CEP350: variants seen among roughly 807,000 people sequenced by gnomAD.
CEP350 encodes the protein centrosome-associated protein 350.
Under a neutral mutation model 331.8 loss-of-function variants are expected in CEP350, and 126 were observed. That is an observed-to-expected ratio of 0.38 (90% CI 0.33 to 0.44). The LOEUF (loss-of-function observed/expected upper bound fraction) is 0.44. Among genes scored for constraint, CEP350 ranks in the 20% least tolerant of loss-of-function variants. CEP350 has a pLI of 1.00. For synonymous variants in CEP350, 1,200 were observed against 1,259.5 expected, an observed-to-expected ratio of 0.95 and a Z score of 1.00; for missense variants, 3,406 against 3,634.6, an observed-to-expected ratio of 0.94 and a Z score of 1.62.
chr1:179,990,609 A>G lies in CEP350; in HGVS notation c.223A>G (p.Ile75Val). Residue 75 changes from isoleucine (I) to valine (V), a missense_variant, in exon 4 of 38, where the codon ATA becomes GTA. This residue lies in a region of CEP350 where 1,857 missense variants were observed against 1,909.2 expected (regional missense o/e 0.97). Coordinates refer to ENST00000367607, the MANE Select transcript of CEP350 (RefSeq NM_014810.5). ...GTCTTCTACAAGTGCTACTCGAAAA[A>G]TAAGTAGAAAAGGTATGTATGAAGT... ...KKSSTSATRK[I>V]SRKDGRYLDD... 6.3e-7 allele frequency: 1 copy of G among 1,574,830 alleles called. No individual in the cohort carries two copies. The highest frequency in any genetic ancestry group is 8.7e-7 in the Non-Finnish European group (1 of 1,152,632).
At chr1:179,991,707 G>GTGTATATA (rs1385981536) in intron 4 of CEP350, among the ~76,000 whole-genome samples, 264 of 96,952 alleles carry the variant, frequency 2.7e-3, no homozygotes, top group Middle Eastern at 9.4e-3. Context: ...GTGTGTGTGT[G>GTGTATATA]TATATATATA....
chr1:179,977,986 T>C (rs1652000268), intron 1 of CEP350, among the ~76,000 whole-genome samples: 2 of 150,844 alleles, frequency 1.3e-5, no homozygotes, highest in African/African-American at 2.4e-5. Context: ...ATGTATAAAA[T>C]ATGTATTTTT....
intron 29 of CEP350, among the ~76,000 whole-genome samples, chr1:180,080,249 GTAAAACTTT>G (rs1659484699): frequency 6.6e-6 from 1 of 151,992 alleles, no homozygotes; most frequent in Admixed American, 6.6e-5. Context: ...CTAATTTATT[GTAAAACTTT>G]TTTAAACCAT....
At chr1:180,040,072 A>C (rs1656658278) in intron 17 of CEP350, among the ~76,000 whole-genome samples, 3 of 151,034 alleles carry the variant, frequency 2.0e-5, no homozygotes, top group Admixed American at 2.0e-4. Flanking sequence ...TTCCCAAAAG[A>C]CCCGTCAGAC....
intron 1 of CEP350, among the ~76,000 whole-genome samples, chr1:179,974,184 A>G (rs771598073): frequency 6.6e-6 from 1 of 151,796 alleles, no homozygotes; most frequent in Non-Finnish European, 1.5e-5. Flanking sequence ...GGTTCATGCC[A>G]TTCTCCTGCC....
At chr1:180,094,680 C>G (rs983340689) in intron 34 of CEP350, 64 bp downstream of exon 34, 5 of 1,504,442 alleles carry the variant, frequency 3.3e-6, no homozygotes, top group Non-Finnish European at 1.8e-6. Context: ...GGCAACTTAC[C>G]TTGCCTATAT....
chr1:180,014,010 A>C lies in CEP350; in HGVS notation c.1557A>C (p.Leu519Phe). The C allele has an allele frequency of 6.2e-7, 1 of 1,613,720 alleles. No homozygotes were observed. ...ATAAGCAGGAGGAAAATACTGCCTTAAATAAGGACTTTTTACCTATTGAAA... is the reference window on the plus strand; with the variant it reads ...ATAAGCAGGAGGAAAATACTGCCTTCAATAAGGACTTTTTACCTATTGAAA... ...PDNKQEENTA[L>F]NKDFLPIEIR... The change falls in exon 10 of 38, where the codon TTA becomes TTC. Residue 519 changes from leucine to phenylalanine, a missense_variant. By Grantham distance (22) the Leu-to-Phe change is conservative (BLOSUM62 0). Around this residue, in one of 5 missense-constraint regions of CEP350, gnomAD observed 1,857 missense variants for 1,909.2 expected, o/e 0.97. Transcript: ENST00000367607.
chr1:180,034,344 A>G (rs955750775), intron 16 of CEP350, among the ~76,000 whole-genome samples: 1 of 152,196 alleles, frequency 6.6e-6, no homozygotes, highest in South Asian at 2.1e-4. Context: ...ACTCCTGTTT[A>G]TATGTATATG....
intron 5 of CEP350, among the ~76,000 whole-genome samples, 172 bp downstream of exon 5, chr1:179,992,393 C>T (rs1357756330): frequency 1.3e-5 from 2 of 152,060 alleles, no homozygotes; most frequent in African/African-American, 4.8e-5. Flanking sequence ...AAAGATAGTG[C>T]AAACATGAAA....
intron 7 of CEP350, among the ~76,000 whole-genome samples, chr1:180,005,953 C>G (rs1202352087): frequency 6.6e-6 from 1 of 152,138 alleles, no homozygotes; most frequent in Non-Finnish European, 1.5e-5. Context: ...CAGTTTATTT[C>G]TGCAAGTTGG....
At chr1:179,987,834 G>A (rs1292082906) in intron 3 of CEP350, among the ~76,000 whole-genome samples, 1 of 152,048 alleles carries the variant, frequency 6.6e-6, no homozygotes, top group African/African-American at 2.4e-5. Flanking sequence ...GCTGAGGCAG[G>A]AGGATTGCTT....
chr1:180,045,228 G>A (rs1657045871), intron 21 of CEP350, among the ~76,000 whole-genome samples: 2 of 152,014 alleles, frequency 1.3e-5, no homozygotes, highest in Admixed American at 1.3e-4. Context: ...CATAATCCCA[G>A]CTACTCAGGA....
chr1:180,064,967 T>C (rs1658458062), intron 26 of CEP350, 148 bp from the exon 27 acceptor site: 1 of 704,174 alleles, frequency 1.4e-6, no homozygotes, highest in African/African-American at 1.9e-5. Context: ...TTTTTAAGTG[T>C]GTGATATATT....
At chr1:180,068,099 G>GTGGGAA (rs1658654280) in intron 27 of CEP350, among the ~76,000 whole-genome samples, 1 of 152,156 alleles carries the variant, frequency 6.6e-6, no homozygotes, top group African/African-American at 2.4e-5. Context: ...AGTAAGTTTA[G>GTGGGAA]CTAGTTTTTA....
chr1:179,960,296 A>G (rs1267135822), intron 1 of CEP350, among the ~76,000 whole-genome samples: 1 of 152,000 alleles, frequency 6.6e-6, no homozygotes, highest in Non-Finnish European at 1.5e-5. Context: ...CATACGGAGA[A>G]AAGCCACACA....
chr1:179,990,543 A>G lies in CEP350; in HGVS notation c.157A>G (p.Thr53Ala), dbSNP rs1184543971. 3.1e-6 allele frequency: 5 copies of G among 1,603,412 alleles called. No individual in the cohort carries two copies. Among genetic ancestry groups the G allele is most frequent in the South Asian group, 2.3e-5 (2 of 88,674 alleles). The stretch of plus-strand genomic sequence containing the variant: ...TGAAAATAAATTAGAAGTAGCCCCT[A>G]CAAGTACAGCTGTGTGTGATTCTGT... ...HIENKLEVAP[T>A]STAVCDSVMD... The change falls in exon 4 of 38, where the codon ACA (threonine) becomes GCA (alanine). Residue 53 changes from threonine (T) to alanine (A), a missense_variant. By Grantham distance (58) the Thr-to-Ala change is moderately conservative. Coordinates refer to ENST00000367607, the MANE Select transcript of CEP350 (RefSeq NM_014810.5).
chr1:180,093,486 C>G lies in CEP350; in HGVS notation c.7381C>G (p.Pro2461Ala). Reference protein sequence around the residue: ...HSDRLLELKSPTELMKSKERS... With the variant: ...HSDRLLELKSATELMKSKERS... ...TGACAGGCTGTTGGAACTCAAGTCC[C>G]CTACTGAGCTGATGAAAAGTAAGGA... Residue 2461 changes from proline to alanine, a missense_variant, in exon 34 of 38, where the codon CCT (proline) becomes GCT (alanine). Physicochemically the swap from Pro to Ala is conservative, Grantham distance 27. Coordinates refer to ENST00000367607, the MANE Select transcript of CEP350 (RefSeq NM_014810.5). 2 of 1,610,852 alleles carry G rather than the reference C, an allele frequency of 1.2e-6. No individual in the cohort carries two copies. The highest frequency in any genetic ancestry group is 8.5e-7 in the Non-Finnish European group (1 of 1,178,256).
intron 34 of CEP350, 192 bp from the exon 35 acceptor site, chr1:180,095,331 A>G (rs559508337): frequency 2.2e-5 from 13 of 579,748 alleles, no homozygotes; most frequent in Non-Finnish European, 3.3e-5. Context: ...CAAGGTTTAT[A>G]TAAGTAGAAT....
At chr1:180,063,088 A>C (rs926213503) in intron 26 of CEP350, among the ~76,000 whole-genome samples, 2 of 152,030 alleles carry the variant, frequency 1.3e-5, no homozygotes, top group African/African-American at 4.8e-5. Context: ...AATGGGGGAG[A>C]CTGTTTTACT....
Sources: gnomAD v4.1 joint callset for allele counts (sites outside exome capture counted in the v4.1 genomes callset) on GRCh38, gnomAD v4.1.1 for gene constraint, gnomAD v4.1.1 regional missense constraint, MANE v1.5 for transcripts, NCBI Gene and HGNC (gene_info 2026-07-23, HGNC 2026-07-21) for gene names.